The following AAMDC variants were observed in gnomAD, a reference collection of about 807,000 sequenced individuals.
The protein encoded by AAMDC is adipogenesis associated Mth938 domain containing, also known as mth938 domain-containing protein.
Under a neutral mutation model 15.5 loss-of-function variants are expected in AAMDC, and 16 were observed. That is an observed-to-expected ratio of 1.03 (90% CI 0.70 to 1.57). The LOEUF is 1.57. Among genes scored for constraint, AAMDC ranks in the 40% most tolerant of loss-of-function variants. The probability of loss-of-function intolerance (pLI) is 0.00; values close to 1 mark genes in which losing one functional copy is unlikely to be tolerated. For missense variants in AAMDC, 141 were observed against 144.9 expected, an observed-to-expected ratio of 0.97 and a Z score of 0.14; for synonymous variants, 51 against 51.6, an observed-to-expected ratio of 0.99 and a Z score of 0.05.
rs969800038 is a variant in AAMDC, at chr11:77,821,171, C to G, written c.-89C>G. Reference sequence around the variant, plus strand: ...TTGGGGAGCGCAGATCCCGAAGCAGCGCTGGGAGCGTAAGTGCGGGCAGAG... The same window carrying G: ...TTGGGGAGCGCAGATCCCGAAGCAGGGCTGGGAGCGTAAGTGCGGGCAGAG... On this transcript the variant is annotated 5_prime_UTR_variant, in exon 1 of 4. Coordinates refer to ENST00000393427, the MANE Select transcript of AAMDC (RefSeq NM_024684.4). The G allele has an allele frequency of 2.2e-5, 8 of 370,656 alleles. No homozygotes were observed. The highest frequency in any genetic ancestry group is 1.4e-3 in the Middle Eastern group (2 of 1,400). 23.0% of individuals were successfully genotyped at this position (370,656 alleles called of 1,614,324 possible).
chr11:77,832,951 ATGTG>A (rs146936151), intron 1 of AAMDC, among the ~76,000 whole-genome samples: 1,511 of 68,372 alleles, frequency 0.022, 107 homozygotes, highest in South Asian at 0.046. Context: ...GTATATATAT[ATGTG>A]TGTGTGTGTG....
At chr11:77,868,830 T>C in intron 2 of AAMDC, 1 of 205,786 alleles carries the variant, frequency 4.9e-6, no homozygotes, top group Non-Finnish European at 1.1e-5. Context: ...CCCGGGTACC[T>C]TTCTCTCTGG....
At chr11:77,828,560 ACT>A (rs1023809457) in intron 1 of AAMDC, among the ~76,000 whole-genome samples, 14 of 151,086 alleles carry the variant, frequency 9.3e-5, no homozygotes, top group Admixed American at 8.6e-4. Flanking sequence ...AGTCCCAGCT[ACT>A]CGGGAGGCTG....
At chr11:77,905,458 C>CA (rs1413115767), downstream of AAMDC, among the ~76,000 whole-genome samples, 1,421 of 116,250 alleles carry the variant, frequency 0.012, 12 homozygotes, top group African/African-American at 0.038. Flanking sequence ...GACTCTGTCT[C>CA]AAAAAAAAAA....
At chr11:77,849,188 C>T (rs565239373) in intron 2 of AAMDC, among the ~76,000 whole-genome samples, 4 of 151,998 alleles carry the variant, frequency 2.6e-5, no homozygotes, top group African/African-American at 7.2e-5. Flanking sequence ...AGGCAATTGC[C>T]TCCATACCTG....
chr11:77,872,092 T>C, intron 3 of AAMDC, 83 bp from the exon 4 acceptor site: 4 of 1,438,702 alleles, frequency 2.8e-6, no homozygotes, highest in Non-Finnish European at 3.8e-6. Context: ...TCTAATTCTG[T>C]AGAGTACACC....
At chr11:77,886,952 T>C (rs1952041272) in intron 5 of AAMDC, among the ~76,000 whole-genome samples, 1 of 151,332 alleles carries the variant, frequency 6.6e-6, no homozygotes, top group South Asian at 2.1e-4. Context: ...CAAAGCAGTG[T>C]GTAGAGGGAA....
intron 2 of AAMDC, among the ~76,000 whole-genome samples, chr11:77,845,123 T>C: frequency 6.6e-6 from 1 of 152,176 alleles, no homozygotes; most frequent in East Asian, 1.9e-4. Flanking sequence ...TTCATGAAGA[T>C]GTAGATTATT....
intron 2 of AAMDC, among the ~76,000 whole-genome samples, chr11:77,867,606 A>G (rs1951177050): frequency 6.6e-6 from 1 of 152,234 alleles, no homozygotes; most frequent in African/African-American, 2.4e-5. Flanking sequence ...TGGGTCAGGA[A>G]AGGAATGCTT....
chr11:77,886,972 A>C (rs999349216), intron 5 of AAMDC, among the ~76,000 whole-genome samples: 2 of 152,000 alleles, frequency 1.3e-5, no homozygotes, highest in African/African-American at 4.8e-5. Context: ...AATTTATAGC[A>C]CTAAATGCCC....
downstream of AAMDC, among the ~76,000 whole-genome samples, chr11:77,873,756 A>AGAT (rs1238629804): frequency 3.9e-5 from 6 of 152,250 alleles, no homozygotes; most frequent in Non-Finnish European, 5.9e-5. Context: ...ATCACTAAGG[A>AGAT]GATGACATTT....
intron 1 of AAMDC, among the ~76,000 whole-genome samples, chr11:77,838,703 G>A (rs1380507589): frequency 7.6e-5 from 11 of 144,216 alleles, no homozygotes; most frequent in South Asian, 2.2e-4. Flanking sequence ...TGTAAGCTCC[G>A]CCTCCCGGGT....
chr11:77,901,496 T>G, downstream of AAMDC: 2 of 1,612,352 alleles, frequency 1.2e-6, no homozygotes, highest in Non-Finnish European at 1.7e-6. Flanking sequence ...AATCACCACC[T>G]GCTTATTCTC....
At position 77,834,447 on chromosome 11, in the gene AAMDC, T is replaced by TG. The variant is rs931175062; in HGVS notation, c.-18-8032_-18-8031insG. Among the ~76,000 whole-genome samples, 20 of 147,942 alleles carry TG rather than the reference T, an allele frequency of 1.4e-4. 1 individual carries two copies. Among genetic ancestry groups the TG allele is most frequent in the Admixed American group, 5.4e-4 (8 of 14,846 alleles). ...CATGGAGAAAGTTGATTTTGTTTTT[T>TG]TTTTTTTTTTTTTTTGAGACAGAGT... On this transcript the variant is annotated intron_variant, in intron 1 of 3. Coordinates refer to ENST00000393427, the MANE Select transcript of AAMDC (RefSeq NM_024684.4).
chr11:77,854,996 C>G (rs1272919478), intron 2 of AAMDC, among the ~76,000 whole-genome samples: 1 of 152,218 alleles, frequency 6.6e-6, no homozygotes, highest in East Asian at 1.9e-4. Context: ...CTCATGGAAG[C>G]CACCAAGGCC....
intron 5 of AAMDC, chr11:77,883,773 AG>A: frequency 6.4e-7 from 1 of 1,568,140 alleles, no homozygotes; most frequent in Non-Finnish European, 8.7e-7. Context: ...CAAACGCTTA[AG>A]GGTAGGTGTG....
intron 5 of AAMDC, among the ~76,000 whole-genome samples, chr11:77,895,382 G>A (rs926253600): frequency 1.3e-5 from 2 of 151,768 alleles, no homozygotes; most frequent in African/African-American, 4.8e-5. Flanking sequence ...TAGTCTCCAT[G>A]AGTAGACTTT....
intron 2 of AAMDC, among the ~76,000 whole-genome samples, chr11:77,865,869 C>T (rs753940272): frequency 1.3e-5 from 2 of 152,194 alleles, no homozygotes; most frequent in Non-Finnish European, 2.9e-5. Context: ...AGGGGACCAT[C>T]GGCCTCAATA....
intron 2 of AAMDC, among the ~76,000 whole-genome samples, chr11:77,843,515 GTC>G (rs1258983231): frequency 6.6e-6 from 1 of 152,154 alleles, no homozygotes; most frequent in African/African-American, 2.4e-5. Context: ...CTGGAGAGTA[GTC>G]TCTGCCTCAC....
Sources: allele counts gnomAD v4.1 joint callset (sites outside exome capture counted in the v4.1 genomes callset), GRCh38; gene constraint gnomAD v4.1.1; transcripts MANE v1.5; gene names NCBI Gene and HGNC (gene_info 2026-07-23, HGNC 2026-07-21).